PGAP1: variants seen among roughly 807,000 people sequenced by gnomAD.
The protein encoded by PGAP1 is post-GPI attachment to proteins inositol deacylase 1.
A neutral mutation model predicts 127.0 loss-of-function variants in PGAP1; 76 were observed. The observed-to-expected ratio is 0.60, with a 90% confidence interval of 0.50 to 0.72. The LOEUF is 0.72. PGAP1 is among the 30% of genes least tolerant of loss of function. The pLI is 0.00. For synonymous variants in PGAP1, 362 were observed against 366.5 expected (o/e 0.99, Z 0.14); for missense variants, 982 against 1,071.3 (o/e 0.92, Z 1.16).
chr2:196,839,906 C>T lies in PGAP1; in HGVS notation c.*1328G>A, dbSNP rs555432594. ...TTACATGAGAGGCTTTGTGGAATCA[C>T]TAAAACTTTAGTTGAGAGGATTTGG... On this transcript the variant is annotated 3_prime_UTR_variant, in exon 27 of 27. Coordinates refer to ENST00000354764, the MANE Select transcript of PGAP1 (RefSeq NM_024989.4). The T allele has an allele frequency of 1.3e-5, 2 of 152,308 alleles. No individual in the cohort carries two copies. Among genetic ancestry groups the T allele is most frequent in the Admixed American group, 6.5e-5 (1 of 15,296 alleles). 9.4% of individuals were successfully genotyped at this position (152,308 alleles called of 1,614,324 possible).
intron 25 of PGAP1, 127 bp from the exon 26 acceptor site, chr2:196,842,952 A>G: frequency 2.5e-6 from 1 of 393,692 alleles, no homozygotes; most frequent in East Asian, 3.9e-5. Flanking sequence ...AGCTCTAAAT[A>G]GTTCATGAAA....
At position 196,872,559 on chromosome 2, in the gene PGAP1, T is replaced by G; in HGVS notation, c.1620-10A>C. 2 of 1,554,574 alleles carry G rather than the reference T, an allele frequency of 1.3e-6. No individual in the cohort carries two copies. The highest frequency in any genetic ancestry group is 1.7e-5 in the Admixed American group (1 of 59,746). ...TGTGGAAGATGGAGCCCTGAAGAGA[T>G]AACTTAAATATCAATTCTCAAATAC... On this transcript the variant is annotated splice_polypyrimidine_tract_variant and intron_variant, in intron 17 of 26. Transcript: ENST00000354764.
At chr2:196,901,124 G>A (rs753491028) in intron 5 of PGAP1, among the ~76,000 whole-genome samples, 2 of 152,166 alleles carry the variant, frequency 1.3e-5, no homozygotes, top group Non-Finnish European at 1.5e-5. Flanking sequence ...AATTTCATAT[G>A]ACTAAATCGT....
intron 20 of PGAP1, among the ~76,000 whole-genome samples, chr2:196,853,631 T>C (rs1416965140): frequency 6.6e-6 from 1 of 152,194 alleles, no homozygotes; most frequent in Non-Finnish European, 1.5e-5. Context: ...CTTTTCTTTA[T>C]CTTTTGGTAA....
intron 5 of PGAP1, among the ~76,000 whole-genome samples, chr2:196,901,716 G>C (rs951662285): frequency 3.3e-5 from 5 of 152,298 alleles, no homozygotes; most frequent in Admixed American, 3.3e-4. Context: ...GGAAGAATAA[G>C]TAGCAAATTA....
Position 196,854,400 on chromosome 2 carries a change from CTA to C in PGAP1, c.1862-6365_1862-6364del, listed in dbSNP as rs1700812455. Among the ~76,000 whole-genome samples the C allele has an allele frequency of 2.0e-5, 3 of 151,820 alleles. No homozygotes were observed. In the South Asian group the frequency reaches 6.2e-4, roughly 32 times the overall value. ...CAGTTATATTCATGTTATTGATATACTACAAAATTACATAAATTCATAGAAAT... is the reference window on the plus strand; with the variant it reads ...CAGTTATATTCATGTTATTGATATACCAAAATTACATAAATTCATAGAAAT... On this transcript the variant is annotated intron_variant, in intron 20 of 26. Transcript: ENST00000354764.
chr2:196,885,801 T>C, intron 11 of PGAP1, 33 bp downstream of exon 11: 1 of 1,355,678 alleles, frequency 7.4e-7, no homozygotes, highest in South Asian at 2.1e-5. Context: ...TTGTTTATGT[T>C]GAGATAAATG....
At chr2:196,912,498 TG>T (rs1702857801) in intron 4 of PGAP1, among the ~76,000 whole-genome samples, 1 of 149,288 alleles carries the variant, frequency 6.7e-6, no homozygotes, top group African/African-American at 2.5e-5. Flanking sequence ...GAGAATCGCT[TG>T]AACCTGAGAG....
intron 10 of PGAP1, among the ~76,000 whole-genome samples, chr2:196,890,585 T>C (rs1702063629): frequency 6.6e-6 from 1 of 152,044 alleles, no homozygotes; most frequent in Non-Finnish European, 1.5e-5. Flanking sequence ...CAGAGTAAAA[T>C]GAAGGCAGAA....
chr2:196,895,396 G>GT (rs1702241272), intron 7 of PGAP1, among the ~76,000 whole-genome samples: 1 of 152,188 alleles, frequency 6.6e-6, no homozygotes, highest in Admixed American at 6.5e-5. Context: ...GTCAGTTGAA[G>GT]TAAAAACTGG....
rs1195631214 is a variant in PGAP1, at chr2:196,840,665, T to G, written c.*569A>C. ...CATATCTCCTTACCATTCAAAGCTC[T>G]ATTTTCATAGATGTAAGAAGACAAG... On this transcript the variant is annotated 3_prime_UTR_variant, in exon 27 of 27. Coordinates refer to ENST00000354764, the MANE Select transcript of PGAP1 (RefSeq NM_024989.4). 1 of 152,212 alleles carries G rather than the reference T, an allele frequency of 6.6e-6. No homozygotes were observed. The highest frequency in any genetic ancestry group is 1.5e-5 in the Non-Finnish European group (1 of 68,036). 9.4% of individuals were successfully genotyped at this position (152,212 alleles called of 1,614,324 possible). A position where few individuals can be genotyped will look rare whatever the true frequency, so the allele number is the denominator to read the frequency against.
Position 196,847,205 on chromosome 2 carries a change from G to A in PGAP1, c.1953-5C>T, listed in dbSNP as rs377431646. On this transcript the variant is annotated splice_polypyrimidine_tract_variant and splice_region_variant and intron_variant, in intron 21 of 26. Coordinates refer to ENST00000354764, the MANE Select transcript of PGAP1 (RefSeq NM_024989.4). ...AATTCTTTAAACCATTTATACCTGT[G>A]GAGAAAAGAAAATATAAAAGCAAAA... is the stretch of plus-strand genomic sequence containing the variant. The A allele has an allele frequency of 6.3e-7, 1 of 1,590,498 alleles. No homozygotes were observed. Among genetic ancestry groups the A allele is most frequent in the African/African-American group, 1.4e-5 (1 of 73,518 alleles).
chr2:196,850,894 G>C (rs1700698415), intron 20 of PGAP1, among the ~76,000 whole-genome samples: 5 of 152,096 alleles, frequency 3.3e-5, no homozygotes, highest in African/African-American at 1.2e-4. Flanking sequence ...CAGGGATGGG[G>C]ATTGGTGGGA....
chr2:196,885,380 T>A, intron 12 of PGAP1, 44 bp downstream of exon 12: 1 of 1,351,668 alleles, frequency 7.4e-7, no homozygotes, highest in Non-Finnish European at 1.0e-6. Flanking sequence ...TAGACTCAAG[T>A]ATTTTTTTCA....
chr2:196,922,244 G>C (rs1161958720), intron 1 of PGAP1: 2 of 1,233,418 alleles, frequency 1.6e-6, no homozygotes, highest in Non-Finnish European at 2.1e-6. Context: ...GAAAAATGCT[G>C]ATTTAAGAAA....
rs562843772 is a variant in PGAP1 at position 196,920,728 on chromosome 2, G to T, written c.148-578C>A. 2.0e-5 allele frequency among the ~76,000 whole-genome samples: 3 copies of T among 152,122 alleles called. No homozygotes were observed. The East Asian group carries it at 5.8e-4, about 29-fold the overall frequency. ...ATCTTAACCTTATAGCCATGTCTTG[G>T]TCAAGACATGTACACTCTTCTTACC... On this transcript the variant is annotated intron_variant, in intron 1 of 26. Transcript: ENST00000354764.
At chr2:196,919,405 T>C (rs2125839751) in intron 2 of PGAP1, among the ~76,000 whole-genome samples, 1 of 152,278 alleles carries the variant, frequency 6.6e-6, no homozygotes, top group African/African-American at 2.4e-5. Context: ...TTCTAGTCCA[T>C]CAAATAACAA....
chr2:196,877,273 T>C (rs1214189382), intron 13 of PGAP1, among the ~76,000 whole-genome samples: 1 of 152,108 alleles, frequency 6.6e-6, no homozygotes, highest in Admixed American at 6.5e-5. Context: ...TCTAAAAATA[T>C]ACTGACAGAA....
At chr2:196,886,642 A>G (rs1310724640) in intron 10 of PGAP1, among the ~76,000 whole-genome samples, 1 of 152,194 alleles carries the variant, frequency 6.6e-6, no homozygotes, top group Non-Finnish European at 1.5e-5. Flanking sequence ...GCAATTAAAA[A>G]TAATTTATAT....
Sources: allele counts gnomAD v4.1 joint callset (sites outside exome capture counted in the v4.1 genomes callset), GRCh38; gene constraint gnomAD v4.1.1; transcripts MANE v1.5; gene names NCBI Gene and HGNC (gene_info 2026-07-23, HGNC 2026-07-21).